TACC1: variants seen among roughly 807,000 people sequenced by gnomAD.
The protein encoded by TACC1 is transforming acidic coiled-coil containing protein 1.
A neutral mutation model predicts 84.4 loss-of-function variants in TACC1; 48 were observed. That is an observed-to-expected ratio of 0.57 (90% CI 0.45 to 0.72). The LOEUF is 0.72. Among genes scored for constraint, TACC1 ranks in the 30% least tolerant of loss-of-function variants. The probability of loss-of-function intolerance (pLI) is 0.00; values close to 1 mark genes in which losing one functional copy is unlikely to be tolerated. For synonymous variants in TACC1, 372 were observed against 376.3 expected, an observed-to-expected ratio of 0.99 and a Z score of 0.13; for missense variants, 920 against 973.0, an observed-to-expected ratio of 0.95 and a Z score of 0.72.
chr8:38,778,709 G>T (rs1428897935), intron 3 of TACC1, among the ~76,000 whole-genome samples: 1 of 152,142 alleles, frequency 6.6e-6, no homozygotes, highest in Non-Finnish European at 1.5e-5. Context: ...TCAGGCCTTG[G>T]CAACCTGTTT....
chr8:38,758,705 G>C (rs796700757), intron 3 of TACC1, among the ~76,000 whole-genome samples: 132 of 101,018 alleles, frequency 1.3e-3, no homozygotes, highest in African/African-American at 4.2e-3. Context: ...AAAAAAAAAA[G>C]CTGAGATTTA....
At chr8:38,846,840 T>A (rs1285461918) in intron 12 of TACC1, 21 bp downstream of exon 12, 1 of 1,612,964 alleles carries the variant, frequency 6.2e-7, no homozygotes, top group East Asian at 2.2e-5. Context: ...GGACCTGATC[T>A]GGGTGGCCAC....
At chr8:38,732,711 G>A (rs1013551479) in intron 1 of TACC1, among the ~76,000 whole-genome samples, 3 of 152,106 alleles carry the variant, frequency 2.0e-5, no homozygotes, top group African/African-American at 7.2e-5. Context: ...TATTATCCCC[G>A]GTTTGCAAAT....
Position 38,788,835 on chromosome 8 carries a change from C to A in TACC1, c.277+16C>A, listed in dbSNP as rs200043330. Reference sequence around the variant, plus strand: ...AAAAGCCAAGGTAAAGAAAAACTTGCATTTTTCCTGCCTGTTTTGTTTCAA... The same window carrying A: ...AAAAGCCAAGGTAAAGAAAAACTTGAATTTTTCCTGCCTGTTTTGTTTCAA... On this transcript the variant is annotated intron_variant, in intron 2 of 12. Coordinates refer to ENST00000317827, the MANE Select transcript of TACC1 (RefSeq NM_006283.3). The A allele has an allele frequency of 1.3e-4, 206 of 1,572,914 alleles. 1 individual carries two copies. The African/African-American group carries it at 2.4e-3, about 18-fold the overall frequency.
intron 2 of TACC1, chr8:38,799,547 C>T (rs1423416312): frequency 6.6e-6 from 1 of 152,168 alleles, no homozygotes; most frequent in African/African-American, 2.4e-5. Flanking sequence ...AGAAATTCCC[C>T]CGCAAATCTG....
chr8:38,794,455 G>A (rs1819498657), intron 2 of TACC1, among the ~76,000 whole-genome samples: 1 of 152,138 alleles, frequency 6.6e-6, no homozygotes, highest in African/African-American at 2.4e-5. Flanking sequence ...TGTCTTTAAT[G>A]TAACTTCGGG....
intron 3 of TACC1, among the ~76,000 whole-genome samples, chr8:38,754,866 A>T (rs960692791): frequency 3.9e-5 from 6 of 152,254 alleles, no homozygotes; most frequent in Non-Finnish European, 8.8e-5. Flanking sequence ...AGTCTGCTAC[A>T]TAAAAGAGAG....
chr8:38,820,350 A>T lies in TACC1; in HGVS notation c.1106A>T (p.Asp369Val). 1 of 1,614,072 alleles carries T rather than the reference A, an allele frequency of 6.2e-7. No individual in the cohort carries two copies. Among genetic ancestry groups the T allele is most frequent in the South Asian group, 1.1e-5 (1 of 91,062 alleles). Reference sequence around the variant, plus strand: ...TCAGCAGGTTTAGAACAGCCTACAGACCCAGTGGCACGAGACGGGCCTCTC... The same window carrying T: ...TCAGCAGGTTTAGAACAGCCTACAGTCCCAGTGGCACGAGACGGGCCTCTC... ...SKSAGLEQPTDPVARDGPLSQ... is the reference protein window; with the variant it reads ...SKSAGLEQPTVPVARDGPLSQ... Residue 369 changes from aspartate to valine, a missense_variant, in exon 3 of 13, where the codon GAC (aspartate) becomes GTC (valine). Physicochemically the swap from Asp to Val is radical, Grantham distance 152. Around this residue, in one of 2 missense-constraint regions of TACC1, gnomAD observed 762 missense variants for 747.3 expected, o/e 1.02. Coordinates refer to ENST00000317827, the MANE Select transcript of TACC1 (RefSeq NM_006283.3).
At chr8:38,789,245 A>G (rs1818064265) in intron 2 of TACC1, among the ~76,000 whole-genome samples, 1 of 152,066 alleles carries the variant, frequency 6.6e-6, no homozygotes, top group African/African-American at 2.4e-5. Flanking sequence ...GGAATCACTC[A>G]CCTCGCCCAC....
In TACC1 at chr8:38,778,273, A is replaced by AG. The variant is rs1587573034; in HGVS notation, c.27-10431_27-10430insG. On this transcript the variant is annotated intron_variant, in intron 3 of 14. Coordinates refer to the TACC1 transcript ENST00000518415. The stretch of plus-strand genomic sequence containing the variant: ...TTGCTTTTTTATCTTAATAATTAAA[A>AG]TTGTGTGTGTGTGTGTGTGTGTGTA... 4.5e-5 allele frequency among the ~76,000 whole-genome samples: 3 copies of AG among 65,944 alleles called. No individual in the cohort carries two copies. In the East Asian group the frequency reaches 2.9e-3, roughly 64 times the overall value. 43.3% of individuals were successfully genotyped at this position (65,944 alleles called of 152,430 possible).
At chr8:38,779,259 G>A (rs1704005304) in intron 3 of TACC1, among the ~76,000 whole-genome samples, 2 of 152,192 alleles carry the variant, frequency 1.3e-5, no homozygotes, top group South Asian at 4.1e-4. Flanking sequence ...ATAGGAAGAT[G>A]CCACTATGCC....
intron 2 of TACC1, among the ~76,000 whole-genome samples, chr8:38,790,329 A>G (rs1327033808): frequency 6.6e-6 from 1 of 152,172 alleles, no homozygotes; most frequent in Non-Finnish European, 1.5e-5. Context: ...CAGAGATACT[A>G]TTTCTAGATA....
chr8:38,789,288 T>G (rs944490373), intron 2 of TACC1, among the ~76,000 whole-genome samples: 1 of 152,160 alleles, frequency 6.6e-6, no homozygotes, highest in East Asian at 1.9e-4. Flanking sequence ...AGCCCTTCAG[T>G]CTACTTAGGA....
intron 2 of TACC1, among the ~76,000 whole-genome samples, chr8:38,808,991 G>A (rs1306637092): frequency 6.6e-6 from 1 of 151,888 alleles, no homozygotes; most frequent in African/African-American, 2.4e-5. Flanking sequence ...TATAGGGCTG[G>A]GCAAGTTTAT....
intron 3 of TACC1, among the ~76,000 whole-genome samples, chr8:38,768,489 G>A (rs142546946): frequency 0.012 from 1,892 of 152,264 alleles, 21 homozygotes; most frequent in Non-Finnish European, 0.021. Flanking sequence ...TGGCTACTGC[G>A]GCTTCCGGCT....
upstream of TACC1, chr8:38,785,847 A>G: frequency 2.3e-6 from 1 of 428,902 alleles, no homozygotes; most frequent in Non-Finnish European, 3.1e-6. Flanking sequence ...ATGACAATTT[A>G]TTTCTGGGAA....
chr8:38,784,641 T>C (rs1816768794), upstream of TACC1, among the ~76,000 whole-genome samples: 1 of 152,192 alleles, frequency 6.6e-6, no homozygotes, highest in Non-Finnish European at 1.5e-5. Flanking sequence ...TCCTGGGTTC[T>C]GTTATTTTCT....
chr8:38,843,077 C>T (rs1182767909), intron 10 of TACC1, among the ~76,000 whole-genome samples: 1 of 152,154 alleles, frequency 6.6e-6, no homozygotes, highest in Non-Finnish European at 1.5e-5. Context: ...CTGACCCTTA[C>T]TGTATGATAT....
At chr8:38,796,058 A>G (rs1819891386) in intron 2 of TACC1, among the ~76,000 whole-genome samples, 1 of 152,210 alleles carries the variant, frequency 6.6e-6, no homozygotes, top group African/African-American at 2.4e-5. Context: ...CCATTACAAT[A>G]TTCCCACCTA....
Sources: allele counts gnomAD v4.1 joint callset (sites outside exome capture counted in the v4.1 genomes callset), GRCh38; gene constraint gnomAD v4.1.1; regional missense constraint gnomAD v4.1.1; transcripts MANE v1.5; gene names NCBI Gene and HGNC (gene_info 2026-07-23, HGNC 2026-07-21).